The following FAXDC2 variants were observed in gnomAD, a reference collection of about 807,000 sequenced individuals.
FAXDC2 encodes fatty acid hydroxylase domain containing 2, also known as fatty acid hydroxylase domain-containing protein 2.
In FAXDC2, 41 loss-of-function variants were observed where a neutral mutation model predicts 40.9. The ratio of observed to expected loss-of-function variants is 1.00; its 90% CI spans 0.78 to 1.30. The LOEUF (loss-of-function observed/expected upper bound fraction) is 1.30. FAXDC2 is among the 50% of genes most tolerant of loss of function. FAXDC2 has a pLI of 0.00. For synonymous variants in FAXDC2, 157 were observed against 149.3 expected (o/e 1.05, Z -0.38); for missense variants, 390 against 408.8 (o/e 0.95, Z 0.40).
intron 5 of FAXDC2, among the ~76,000 whole-genome samples, chr5:154,829,037 C>A (rs1760122631): frequency 1.3e-5 from 2 of 151,392 alleles, no homozygotes; most frequent in Non-Finnish European, 2.9e-5. Flanking sequence ...CTCCTCCAGG[C>A]ATGCGCCACC....
intron 1 of FAXDC2, among the ~76,000 whole-genome samples, chr5:154,840,102 G>C (rs1040106523): frequency 5.3e-5 from 8 of 152,162 alleles, no homozygotes; most frequent in Non-Finnish European, 8.8e-5. Flanking sequence ...TTAGGACCCA[G>C]GTTCCAGACT....
intron 5 of FAXDC2, among the ~76,000 whole-genome samples, chr5:154,828,131 G>T (rs1468133326): frequency 6.6e-6 from 1 of 151,808 alleles, no homozygotes; most frequent in East Asian, 1.9e-4. Flanking sequence ...TTACAGGCGT[G>T]AGCCACCACA....
At chr5:154,828,831 C>T (rs565165538) in intron 5 of FAXDC2, among the ~76,000 whole-genome samples, 2 of 148,714 alleles carry the variant, frequency 1.3e-5, no homozygotes, top group Non-Finnish European at 3.0e-5. Context: ...GAACTCCTAG[C>T]ATCAAGCGAT....
At chr5:154,836,927 A>C (rs998903686) in intron 2 of FAXDC2, among the ~76,000 whole-genome samples, 2 of 152,176 alleles carry the variant, frequency 1.3e-5, no homozygotes, top group Non-Finnish European at 2.9e-5. Flanking sequence ...TGCCTGTCTC[A>C]GCATCCCAAA....
chr5:154,827,899 G>C (rs183240985), intron 5 of FAXDC2, among the ~76,000 whole-genome samples: 1 of 149,866 alleles, frequency 6.7e-6, no homozygotes, highest in Non-Finnish European at 1.5e-5. Context: ...ACTCAGGCTA[G>C]AGTGTAGTGG....
At chr5:154,829,630 G>A (rs574630663) in intron 5 of FAXDC2, 4 of 154,472 alleles carry the variant, frequency 2.6e-5, no homozygotes, top group Admixed American at 2.0e-4. Flanking sequence ...TTGTACAGAC[G>A]GCAGGTAATA....
At chr5:154,830,000 G>A (rs527951462) in intron 5 of FAXDC2, among the ~76,000 whole-genome samples, 1 of 152,340 alleles carries the variant, frequency 6.6e-6, no homozygotes, top group East Asian at 1.9e-4. Context: ...CAAGAGCACT[G>A]TTTGCCTTTC....
intron 4 of FAXDC2, among the ~76,000 whole-genome samples, chr5:154,831,451 GTTT>G (rs1760188838): frequency 6.7e-6 from 1 of 148,342 alleles, no homozygotes; most frequent in Non-Finnish European, 1.5e-5. Context: ...TTTGTTGTTT[GTTT>G]GTTTGTTTTT....
Position 154,820,405 on chromosome 5 carries a change from G to A in FAXDC2, c.913C>T (p.Gln305Ter). ...HLHGTDTMFKQTKAYERHVLL... is the reference protein window; with the variant it reads ...HLHGTDTMFK ...ACATGTCTCTCGTAGGCCTTGGTCT[G>A]CTTGAACATGGTGTCAGTCCCATGG... The change falls in exon 9 of 9, where the codon CAG becomes TAG. Residue 305 changes from glutamine (Q) to a stop codon, truncating the protein, a stop_gained. Transcript: ENST00000326080. LOFTEE classifies it high-confidence loss of function. 6.2e-7 allele frequency: 1 copy of A among 1,612,740 alleles called. No individual in the cohort carries two copies.
At chr5:154,824,829 C>A in intron 5 of FAXDC2, 1 of 351,368 alleles carries the variant, frequency 2.8e-6, no homozygotes, top group Non-Finnish European at 5.3e-6. Context: ...TGGCTCACAC[C>A]TGTAATCCCA....
rs1471355318 is a variant in FAXDC2, at chr5:154,838,124, C to CATTT, written c.48+3_48+6dup. 6.2e-7 allele frequency: 1 copy of CATTT among 1,603,426 alleles called. No homozygotes were observed. The highest frequency in any genetic ancestry group is 1.3e-5 in the African/African-American group (1 of 74,664). On this transcript the variant is annotated splice_region_variant and intron_variant, in intron 2 of 8. Coordinates refer to ENST00000326080, the MANE Select transcript of FAXDC2 (RefSeq NM_032385.5). ...CACCAGTTTGGGGGCAAGGTGCTGGCATTTACCTGCTTTGACTTTTCATTG... is the reference window on the plus strand; with the variant it reads ...CACCAGTTTGGGGGCAAGGTGCTGGCATTTATTTACCTGCTTTGACTTTTCATTG...
chr5:154,841,202 A>G (rs1472081623), intron 1 of FAXDC2, among the ~76,000 whole-genome samples: 2 of 152,084 alleles, frequency 1.3e-5, no homozygotes, highest in African/African-American at 2.4e-5. Context: ...TGCTTTACCC[A>G]TGCTCCCTTC....
chr5:154,827,236 T>C (rs948604613), intron 5 of FAXDC2, among the ~76,000 whole-genome samples: 1 of 146,306 alleles, frequency 6.8e-6, no homozygotes, highest in Non-Finnish European at 1.5e-5. Context: ...ACCCAGGAAG[T>C]GGAGGTTACG....
At chr5:154,837,199 T>TTCTCTCACGTGCACACACTCTCTCTCTC (rs1760369601) in intron 2 of FAXDC2, among the ~76,000 whole-genome samples, 1 of 152,144 alleles carries the variant, frequency 6.6e-6, no homozygotes, top group South Asian at 2.1e-4. Flanking sequence ...CTGACTCGCA[T>TTCTCTCACGTGCACACACTCTCTCTCTC]TCTCTCACGT....
rs751334275 is a variant in FAXDC2, at chr5:154,819,416, C to T, written c.*900G>A. 5.3e-5 allele frequency: 8 copies of T among 152,058 alleles called. No individual in the cohort carries two copies. The highest frequency in any genetic ancestry group is 2.6e-4 in the Admixed American group (4 of 15,272). The allele number at this position is 152,058 out of a possible 1,614,324, so 9.4% of individuals were successfully genotyped here. A position where few individuals can be genotyped will look rare whatever the true frequency, so the allele number is the denominator to read the frequency against. On this transcript the variant is annotated 3_prime_UTR_variant, in exon 9 of 9. Coordinates refer to ENST00000326080, the MANE Select transcript of FAXDC2 (RefSeq NM_032385.5). ...TGCTCTTTGCTCTGCCATGTTTTTC[C>T]GGGCTCTTTCTTCGGGGAGAAAGAG...
Position 154,822,504 on chromosome 5 carries a change from T to G in FAXDC2, c.646A>C (p.Ile216Leu). The change falls in exon 7 of 9, where the codon ATC becomes CTC. Residue 216 changes from isoleucine (I) to leucine (L), a missense_variant. Ile to Leu is a conservative substitution (Grantham distance 5). Coordinates refer to ENST00000326080, the MANE Select transcript of FAXDC2 (RefSeq NM_032385.5). Reference sequence around the variant, plus strand: ...TCTATAGGGTGGGCATAGAGAGAGATCACGCCAATGGGAGCTGTCCACTCA... The same window carrying G: ...TCTATAGGGTGGGCATAGAGAGAGAGCACGCCAATGGGAGCTGTCCACTCA... ...HHEWTAPIGVISLYAHPIEHA... is the reference protein window; with the variant it reads ...HHEWTAPIGVLSLYAHPIEHA... 6.2e-7 allele frequency: 1 copy of G among 1,614,056 alleles called. No homozygotes were observed. Among genetic ancestry groups the G allele is most frequent in the South Asian group, 1.1e-5 (1 of 91,076 alleles).
At chr5:154,844,217 CA>C (rs111475143) in intron 1 of FAXDC2, among the ~76,000 whole-genome samples, 167 of 132,326 alleles carry the variant, frequency 1.3e-3, no homozygotes, top group Middle Eastern at 7.5e-3. Flanking sequence ...GACTCTGTCT[CA>C]AAAAAAAAAA....
chr5:154,826,527 TA>T (rs764669604), intron 5 of FAXDC2, among the ~76,000 whole-genome samples: 13,946 of 101,444 alleles, frequency 0.14, 724 homozygotes, highest in Admixed American at 0.21. Flanking sequence ...AGACTGTCTC[TA>T]AAAAAAAAAA....
intron 4 of FAXDC2, among the ~76,000 whole-genome samples, chr5:154,831,454 T>TG (rs149864823): frequency 0.073 from 11,019 of 150,652 alleles, 439 homozygotes; most frequent in Admixed American, 0.14. Flanking sequence ...GTTGTTTGTT[T>TG]GTTTGTTTTT....
Sources: gnomAD v4.1 joint callset for allele counts (sites outside exome capture counted in the v4.1 genomes callset) on GRCh38, gnomAD v4.1.1 for gene constraint, MANE v1.5 for transcripts, NCBI Gene and HGNC (gene_info 2026-07-23, HGNC 2026-07-21) for gene names.